Variants in DZIP1 observed in about 807,000 individuals in gnomAD.
DZIP1 encodes DAZ interacting zinc finger protein 1, also known as cilium assembly protein DZIP1.
Under a neutral mutation model 107.6 loss-of-function variants are expected in DZIP1, and 97 were observed. The ratio of observed to expected loss-of-function variants is 0.90; its 90% CI spans 0.77 to 1.07. The LOEUF (loss-of-function observed/expected upper bound fraction) is 1.07, where lower values mean the gene tolerates loss of function less well. DZIP1 is among the 50% of genes least tolerant of loss of function. The pLI is 0.00. For missense variants in DZIP1, 1,035 were observed against 1,063.6 expected, an observed-to-expected ratio of 0.97 and a Z score of 0.37; for synonymous variants, 390 against 386.4, an observed-to-expected ratio of 1.01 and a Z score of -0.11.
At chr13:95,594,199 T>C in intron 15 of DZIP1, 113 bp from the exon 16 acceptor site, 1 of 877,356 alleles carries the variant, frequency 1.1e-6, no homozygotes, top group Non-Finnish European at 1.7e-6. Context: ...GTATTTGTGA[T>C]GTTTTAAAGT....
chr13:95,601,501 CT>C (rs1395867878), intron 14 of DZIP1, among the ~76,000 whole-genome samples: 2 of 152,178 alleles, frequency 1.3e-5, no homozygotes, highest in Non-Finnish European at 2.9e-5. Context: ...TAGCCCTGCC[CT>C]TTTGCCCCTA....
intron 15 of DZIP1, among the ~76,000 whole-genome samples, chr13:95,597,277 G>C (rs1023154164): frequency 7.7e-6 from 1 of 130,122 alleles, no homozygotes; most frequent in Admixed American, 8.3e-5. Flanking sequence ...AAATGAGTGT[G>C]AACTACATGA....
rs1404801400 is a variant in DZIP1, at chr13:95,579,507, C to G, written c.*2727G>C. On this transcript the variant is annotated 3_prime_UTR_variant, in exon 23 of 23. Coordinates refer to ENST00000376829, the MANE Select transcript of DZIP1 (RefSeq NM_198968.4). ...CTTAAATAATTTGCCACAGTAATGT[C>G]GAAACTAGGCCTTTGAACCAAGGCA... The G allele has an allele frequency of 6.6e-6, 1 of 152,108 alleles. No individual in the cohort carries two copies. Among genetic ancestry groups the G allele is most frequent in the Admixed American group, 6.5e-5 (1 of 15,272 alleles). 9.4% of individuals were successfully genotyped at this position (152,108 alleles called of 1,614,324 possible).
At chr13:95,604,008 C>A (rs1708674449) in intron 14 of DZIP1, among the ~76,000 whole-genome samples, 1 of 152,228 alleles carries the variant, frequency 6.6e-6, no homozygotes, top group Admixed American at 6.5e-5. Context: ...AATGGCCCAC[C>A]CCTGCCTCAG....
chr13:95,629,692 T>C lies in DZIP1; in HGVS notation c.810+297A>G, dbSNP rs1876965392. On this transcript the variant is annotated intron_variant, in intron 7 of 22. Transcript: ENST00000376829. ...ACATGGTCCTCCTGACACCTTGACT[T>C]TAGCCCAGTGAGAATGAGAAGTGTC... Among the ~76,000 whole-genome samples the C allele has an allele frequency of 2.0e-5, 3 of 152,166 alleles. No individual in the cohort carries two copies. The South Asian group carries it at 6.2e-4, about 31-fold the overall frequency.
chr13:95,607,507 A>C (rs2044819685), intron 13 of DZIP1, among the ~76,000 whole-genome samples: 1 of 152,226 alleles, frequency 6.6e-6, no homozygotes, highest in Admixed American at 6.5e-5. Context: ...ACTATAGCCC[A>C]TGAGACATAC....
At chr13:95,610,574 C>A (rs1183611337) in intron 12 of DZIP1, among the ~76,000 whole-genome samples, 1 of 152,046 alleles carries the variant, frequency 6.6e-6, no homozygotes. Context: ...TCCCAAAATG[C>A]GGGCATTACA....
chr13:95,590,162 T>C, intron 17 of DZIP1, 117 bp downstream of exon 17: 3 of 1,149,096 alleles, frequency 2.6e-6, no homozygotes, highest in Non-Finnish European at 3.6e-6. Context: ...AGTGGCGAAG[T>C]TTGTTAACCA....
In DZIP1 at chr13:95,580,539, T is replaced by C. The variant is rs1363809318; in HGVS notation, c.*1695A>G. ...GGCTTAAAGTCTCCCCTTGACACTT[T>C]GTACTTGTATGGCTTCTGGCAACTT... is the stretch of plus-strand genomic sequence containing the variant. On this transcript the variant is annotated 3_prime_UTR_variant, in exon 23 of 23. Coordinates refer to ENST00000376829, the MANE Select transcript of DZIP1 (RefSeq NM_198968.4). 1 of 152,194 alleles carries C rather than the reference T, an allele frequency of 6.6e-6. No homozygotes were observed. Among genetic ancestry groups the C allele is most frequent in the East Asian group, 1.9e-4 (1 of 5,194 alleles). 9.4% of individuals were successfully genotyped at this position (152,194 alleles called of 1,614,324 possible). A position where few individuals can be genotyped will look rare whatever the true frequency, so the allele number is the denominator to read the frequency against.
intron 9 of DZIP1, among the ~76,000 whole-genome samples, chr13:95,621,340 G>A (rs979044570): frequency 1.3e-5 from 2 of 152,164 alleles, no homozygotes; most frequent in South Asian, 2.1e-4. Context: ...AGGACCCTGC[G>A]TGCTGGTAGG....
chr13:95,628,753 A>G (rs770079889), intron 7 of DZIP1, among the ~76,000 whole-genome samples: 2 of 152,226 alleles, frequency 1.3e-5, no homozygotes, highest in Non-Finnish European at 1.5e-5. Flanking sequence ...CTTTGAGGAC[A>G]TTATGCTGAG....
chr13:95,623,392 A>G lies in DZIP1; in HGVS notation c.973-912T>C, dbSNP rs903892403. On this transcript the variant is annotated intron_variant, in intron 8 of 22. Transcript: ENST00000376829. ...GGAAAAAAGAGAAAATCTTCAGTGG[A>G]GAAACCTGACAAACACTACCACAGC... Among the ~76,000 whole-genome samples the G allele has an allele frequency of 3.3e-5, 5 of 152,226 alleles. No homozygotes were observed. In the East Asian group the frequency reaches 9.6e-4, roughly 29 times the overall value.
intron 5 of DZIP1, among the ~76,000 whole-genome samples, chr13:95,635,896 C>A (rs1877738948): frequency 6.6e-6 from 1 of 150,816 alleles, no homozygotes; most frequent in Non-Finnish European, 1.5e-5. Flanking sequence ...AAACACACCA[C>A]CCTGTCAAAG....
intron 13 of DZIP1, among the ~76,000 whole-genome samples, chr13:95,608,546 C>T (rs946568704): frequency 6.6e-6 from 1 of 150,544 alleles, no homozygotes; most frequent in African/African-American, 2.4e-5. Context: ...CTTGACCTTT[C>T]TGTCCTTCTC....
Position 95,630,011 on chromosome 13 carries a change from G to C in DZIP1, c.788C>G (p.Ala263Gly). 2.5e-6 allele frequency: 4 copies of C among 1,612,334 alleles called. No individual in the cohort carries two copies. The Admixed American group carries it at 6.7e-5, about 27-fold the overall frequency. The stretch of plus-strand genomic sequence containing the variant: ...TACCTTGGAGAATCTGACTGCACTG[G>C]CATGGTGTGCAGCCTCTAGCTCAGA... ...TRSELEAAHH[A>G]SAVRFSKEYE... is the part of the protein sequence containing the mutation. The change falls in exon 7 of 23, where the codon GCC (alanine) becomes GGC (glycine). Residue 263 changes from alanine to glycine, a missense_variant. Ala to Gly is a moderately conservative substitution (Grantham distance 60, BLOSUM62 0). Coordinates refer to ENST00000376829, the MANE Select transcript of DZIP1 (RefSeq NM_198968.4).
At chr13:95,613,250 T>C (rs1305332638) in intron 10 of DZIP1, among the ~76,000 whole-genome samples, 4 of 152,154 alleles carry the variant, frequency 2.6e-5, no homozygotes. Flanking sequence ...TGGTGGCTCG[T>C]GCATGTAATC....
intron 14 of DZIP1, among the ~76,000 whole-genome samples, chr13:95,600,629 T>TAGATAGATAGATAGAC (rs147121754): frequency 2.6e-3 from 390 of 147,534 alleles, no homozygotes; most frequent in Middle Eastern, 3.4e-3. Context: ...GATAGATAGA[T>TAGATAGATAGATAGAC]AGACAGACAG....
chr13:95,624,530 G>T (rs781108121), intron 8 of DZIP1, among the ~76,000 whole-genome samples: 2 of 152,112 alleles, frequency 1.3e-5, no homozygotes, highest in Non-Finnish European at 2.9e-5. Context: ...ATAGAAGAGG[G>T]TCTTCTATAT....
chr13:95,625,004 T>C (rs900271474), intron 7 of DZIP1, 75 bp from the exon 8 acceptor site: 3 of 1,302,742 alleles, frequency 2.3e-6, no homozygotes, highest in Admixed American at 5.2e-5. Context: ...TAAAAGTTCA[T>C]AGCATCACTT....
Sources: allele counts gnomAD v4.1 joint callset (sites outside exome capture counted in the v4.1 genomes callset), GRCh38; gene constraint gnomAD v4.1.1; transcripts MANE v1.5; gene names NCBI Gene and HGNC (gene_info 2026-07-23, HGNC 2026-07-21).